The following ARMC9 variants were observed in gnomAD, a reference collection of about 807,000 sequenced individuals.
ARMC9 encodes armadillo repeat containing 9.
A neutral mutation model predicts 107.0 loss-of-function variants in ARMC9; 94 were observed. The ratio of observed to expected loss-of-function variants is 0.88; its 90% CI spans 0.74 to 1.04. The LOEUF is 1.04. Ranked by LOEUF, ARMC9 falls within the 50% of genes least tolerant of loss-of-function variation. The pLI, the probability that ARMC9 is intolerant of heterozygous loss-of-function variation, is 0.00. For synonymous variants in ARMC9, 380 were observed against 396.9 expected, an observed-to-expected ratio of 0.96 and a Z score of 0.51; for missense variants, 942 against 1,030.1, an observed-to-expected ratio of 0.91 and a Z score of 1.17.
At chr2:231,253,566 G>A (rs1329879543) in intron 9 of ARMC9, among the ~76,000 whole-genome samples, 1 of 152,126 alleles carries the variant, frequency 6.6e-6, no homozygotes, top group Non-Finnish European at 1.5e-5. Flanking sequence ...AAAAAAAAAT[G>A]TTATGGACCA....
chr2:231,228,498 G>A (rs568402433), intron 7 of ARMC9, among the ~76,000 whole-genome samples: 49 of 152,332 alleles, frequency 3.2e-4, no homozygotes, highest in Middle Eastern at 3.4e-3. Context: ...CTTCCTCCAG[G>A]CATGTTGCCT....
chr2:231,290,617 C>T (rs556073102), intron 17 of ARMC9, among the ~76,000 whole-genome samples: 1 of 152,298 alleles, frequency 6.6e-6, no homozygotes, highest in South Asian at 2.1e-4. Flanking sequence ...AGGAATTAGA[C>T]AGTGTGCTTA....
intron 17 of ARMC9, among the ~76,000 whole-genome samples, chr2:231,283,429 A>AGTTTTT (rs1402701974): frequency 1.3e-5 from 2 of 152,018 alleles, no homozygotes; most frequent in Non-Finnish European, 2.9e-5. Context: ...GGCTTAAACA[A>AGTTTTT]GTTTTTGTTT....
At chr2:231,316,459 G>A (rs2042686055) in intron 19 of ARMC9, among the ~76,000 whole-genome samples, 1 of 151,802 alleles carries the variant, frequency 6.6e-6, no homozygotes, top group Non-Finnish European at 1.5e-5. Context: ...TCAGGAGTTC[G>A]AGACCAGCCT....
intron 21 of ARMC9, among the ~76,000 whole-genome samples, chr2:231,349,952 T>C (rs1486372479): frequency 4.6e-5 from 7 of 152,036 alleles, no homozygotes; most frequent in Admixed American, 3.9e-4. Flanking sequence ...ATGTGATTCT[T>C]ACACATTGCA....
chr2:231,239,310 GA>G (rs2036064445), intron 8 of ARMC9, among the ~76,000 whole-genome samples: 1 of 152,212 alleles, frequency 6.6e-6, no homozygotes, highest in African/African-American at 2.4e-5. Flanking sequence ...AGAGGCACAA[GA>G]GATGCTAAAG....
At chr2:231,324,491 C>G (rs2043200468) in intron 19 of ARMC9, among the ~76,000 whole-genome samples, 1 of 150,924 alleles carries the variant, frequency 6.6e-6, no homozygotes, top group Non-Finnish European at 1.5e-5. Flanking sequence ...GTGGCTCACG[C>G]CTGTAATCCC....
intron 19 of ARMC9, among the ~76,000 whole-genome samples, chr2:231,328,942 G>A (rs2043534756): frequency 6.6e-6 from 1 of 150,854 alleles, no homozygotes; most frequent in Non-Finnish European, 1.5e-5. Context: ...AGCCTCCCAA[G>A]TAGCTGGGAC....
At chr2:231,356,676 G>A (rs759181736) in intron 22 of ARMC9, among the ~76,000 whole-genome samples, 36 of 152,118 alleles carry the variant, frequency 2.4e-4, no homozygotes, top group Non-Finnish European at 4.7e-4. Flanking sequence ...GCACTGGCTG[G>A]GTTATTTGCA....
In ARMC9 at chr2:231,371,495, T is replaced by C. The variant is rs2046018897; in HGVS notation, c.2435-18T>C. 9 of 1,238,560 alleles carry C rather than the reference T, an allele frequency of 7.3e-6. No individual in the cohort carries two copies. The highest frequency in any genetic ancestry group is 9.1e-6 in the Non-Finnish European group (9 of 990,880). The allele number at this position is 1,238,560 out of a possible 1,614,324, so 76.7% of individuals were successfully genotyped here. ...AGACCACACAGCACTGGCATCTTGC[T>C]CTGGCTTTTCTCTCCAGGCAGCCAG... is the stretch of plus-strand genomic sequence containing the variant. On this transcript the variant is annotated intron_variant, in intron 24 of 24. Transcript: ENST00000611582.
chr2:231,228,386 C>G (rs557215232), intron 7 of ARMC9, among the ~76,000 whole-genome samples: 1 of 152,340 alleles, frequency 6.6e-6, no homozygotes, highest in South Asian at 2.1e-4. Context: ...CTGGGGCCAA[C>G]TCCAAGGCAC....
chr2:231,330,331 C>T (rs890872987), intron 19 of ARMC9, among the ~76,000 whole-genome samples: 8 of 150,492 alleles, frequency 5.3e-5, no homozygotes, highest in Non-Finnish European at 1.2e-4. Context: ...AGTAGAATTC[C>T]AGGTTCCATG....
intron 20 of ARMC9, among the ~76,000 whole-genome samples, chr2:231,339,166 A>G (rs918748872): frequency 3.3e-5 from 5 of 151,968 alleles, no homozygotes; most frequent in African/African-American, 9.7e-5. Flanking sequence ...CGTCTCTACT[A>G]AAAATACAAA....
At chr2:231,247,123 T>C (rs2036844251) in intron 9 of ARMC9, among the ~76,000 whole-genome samples, 1 of 152,104 alleles carries the variant, frequency 6.6e-6, no homozygotes, top group South Asian at 2.1e-4. Context: ...GCCCTGCTAA[T>C]TTTTTGTATT....
chr2:231,305,860 C>CA (rs1284361397), intron 19 of ARMC9, among the ~76,000 whole-genome samples: 1 of 152,162 alleles, frequency 6.6e-6, no homozygotes, highest in African/African-American at 2.4e-5. Context: ...TTCAATTTCT[C>CA]ACTTTTAAAG....
At position 231,357,424 on chromosome 2, in the gene ARMC9, C is replaced by G. The variant is rs1038749416; in HGVS notation, c.2131+1490C>G. Among the ~76,000 whole-genome samples, 4 of 152,298 alleles carry G rather than the reference C, an allele frequency of 2.6e-5. No individual in the cohort carries two copies. The East Asian group carries it at 7.7e-4, about 29-fold the overall frequency. The stretch of plus-strand genomic sequence containing the variant: ...TTCCTTAAGCCTGCTCCTATTGGCT[C>G]AGCCTGGCTGGGACCCAGGACACGG... On this transcript the variant is annotated intron_variant, in intron 22 of 24. Coordinates refer to ENST00000611582, the MANE Select transcript of ARMC9 (RefSeq NM_001352754.2).
rs549453206 is a variant in ARMC9 at position 231,361,002 on chromosome 2, CAG to C, written c.2261+120_2261+121del. 257 of 1,387,868 alleles carry C rather than the reference CAG, an allele frequency of 1.9e-4. 3 individuals are homozygous for C. The African/African-American group carries it at 3.4e-3, about 18-fold the overall frequency. The allele number at this position is 1,387,868 out of a possible 1,614,324, so 86.0% of individuals were successfully genotyped here. A position where few individuals can be genotyped will look rare whatever the true frequency, so the allele number is the denominator to read the frequency against. ...GGCTCCTCTGAGGCCCAGCCTCTGA[CAG>C]GGGAGGCTAAGGAGCAGTGTCAAGA... On this transcript the variant is annotated intron_variant, in intron 23 of 24. Coordinates refer to ENST00000611582, the MANE Select transcript of ARMC9 (RefSeq NM_001352754.2).
chr2:231,258,445 T>C (rs975825242), intron 10 of ARMC9, among the ~76,000 whole-genome samples: 3 of 152,040 alleles, frequency 2.0e-5, no homozygotes, highest in African/African-American at 7.2e-5. Context: ...CCTCCCAAAG[T>C]GCTGGGATTA....
chr2:231,337,838 A>G (rs957848296), intron 20 of ARMC9, among the ~76,000 whole-genome samples: 1 of 152,168 alleles, frequency 6.6e-6, no homozygotes, highest in African/African-American at 2.4e-5. Flanking sequence ...TCTTTTTTCT[A>G]ATTACAAAAG....
Sources: allele counts gnomAD v4.1 joint callset (sites outside exome capture counted in the v4.1 genomes callset), GRCh38; gene constraint gnomAD v4.1.1; transcripts MANE v1.5; gene names NCBI Gene and HGNC (gene_info 2026-07-23, HGNC 2026-07-21).